PLAT: variants seen among roughly 807,000 people sequenced by gnomAD.
PLAT encodes plasminogen activator, tissue type.
PLAT carries 48 observed loss-of-function variants against 74.9 expected under a neutral mutation model. That is an observed-to-expected ratio of 0.64 (90% confidence interval 0.51 to 0.82). The LOEUF (loss-of-function observed/expected upper bound fraction) is 0.82, where lower values mean the gene tolerates loss of function less well. Among genes scored for constraint, PLAT ranks in the 40% least tolerant of loss-of-function variants. The pLI is 0.00. For missense variants in PLAT, 673 were observed against 736.2 expected, an observed-to-expected ratio of 0.91 and a Z score of 0.99; for synonymous variants, 307 against 294.4, an observed-to-expected ratio of 1.04 and a Z score of -0.44.
intron 1 of PLAT, among the ~76,000 whole-genome samples, chr8:42,202,870 G>A (rs1312212366): frequency 1.3e-5 from 2 of 152,110 alleles, no homozygotes; most frequent in African/African-American, 4.8e-5. Flanking sequence ...GGGAACACAC[G>A]AAGGAGTTAG....
At chr8:42,199,682 G>T in intron 1 of PLAT, among the ~76,000 whole-genome samples, 1 of 152,156 alleles carries the variant, frequency 6.6e-6, no homozygotes, top group East Asian at 1.9e-4. Flanking sequence ...GAAAACAGAA[G>T]TCTATCCCGC....
chr8:42,194,050 C>CTTCTTT (rs1805798085), intron 1 of PLAT, among the ~76,000 whole-genome samples: 1 of 84,912 alleles, frequency 1.2e-5, no homozygotes, highest in Non-Finnish European at 2.0e-5. Flanking sequence ...TTTCTTCTTT[C>CTTCTTT]TTTTTTTTTT....
intron 8 of PLAT, 68 bp downstream of exon 8, chr8:42,182,651 T>G (rs185345784): frequency 3.6e-4 from 438 of 1,215,570 alleles, no homozygotes; most frequent in Middle Eastern, 1.3e-3. Context: ...ACATTGGATC[T>G]TCCCCCGTCT....
Position 42,187,545 on chromosome 8 carries a change from T to TA in PLAT, c.391_392insT (p.Gln131LeufsTer64). ...CCACGTGCCCCTGTAGCTGATGCCC[T>TA]GGTCCTCGTAGCACGTGGCCCTGGT... is the stretch of plus-strand genomic sequence containing the variant. On this transcript the variant is annotated frameshift_variant, in exon 6 of 14. Coordinates refer to ENST00000220809, the MANE Select transcript of PLAT (RefSeq NM_000930.5). LOFTEE classifies it high-confidence loss of function. The TA allele has an allele frequency of 6.2e-7, 1 of 1,605,924 alleles. No homozygotes were observed.
At position 42,202,186 on chromosome 8, in the gene PLAT, A is replaced by ATTT. The variant is rs113990683; in HGVS notation, c.-27+5305_-27+5307dup. Among the ~76,000 whole-genome samples, 187 of 140,690 alleles carry ATTT rather than the reference A, an allele frequency of 1.3e-3. 1 individual carries two copies. Among genetic ancestry groups the ATTT allele is most frequent in the African/African-American group, 3.9e-3 (152 of 38,666 alleles). The allele number at this position is 140,690 out of a possible 152,430, so 92.3% of individuals were successfully genotyped here. The stretch of plus-strand genomic sequence containing the variant: ...AGGTGCGTGCCACCATGTCTGGCTA[A>ATTT]TTTTTTTTTTTTTTTCATTTTTTTG... On this transcript the variant is annotated intron_variant, in intron 1 of 13. Transcript: ENST00000220809.
At chr8:42,199,883 G>A (rs571142030) in intron 1 of PLAT, among the ~76,000 whole-genome samples, 42 of 152,326 alleles carry the variant, frequency 2.8e-4, no homozygotes, top group Non-Finnish European at 3.5e-4. Flanking sequence ...GATGAAGGTC[G>A]TTCGTTCCTC....
At chr8:42,201,886 G>A (rs149038333) in intron 1 of PLAT, among the ~76,000 whole-genome samples, 5 of 152,260 alleles carry the variant, frequency 3.3e-5, no homozygotes, top group South Asian at 2.1e-4. Context: ...AAAACCCTTC[G>A]CTTTCTCTCA....
rs747907533 is a variant in PLAT at position 42,189,107 on chromosome 8, G to A, written c.116-36C>T. On this transcript the variant is annotated intron_variant, in intron 3 of 13. Transcript: ENST00000220809. ...AGACAGGCCAGCCTCATCAGAGTAT[G>A]ACTCAAAATGAAATGCCTCACTACC... The A allele has an allele frequency of 1.9e-6, 3 of 1,599,424 alleles. No homozygotes were observed. The Admixed American group carries it at 5.0e-5, about 27-fold the overall frequency.
At chr8:42,178,178 T>A (rs1805046567) in intron 13 of PLAT, among the ~76,000 whole-genome samples, 1 of 152,172 alleles carries the variant, frequency 6.6e-6, no homozygotes, top group Non-Finnish European at 1.5e-5. Flanking sequence ...ATCTAGATCC[T>A]GCTTCCCAGT....
intron 1 of PLAT, among the ~76,000 whole-genome samples, chr8:42,198,173 T>C (rs1197621678): frequency 1.3e-5 from 2 of 152,100 alleles, no homozygotes; most frequent in Non-Finnish European, 2.9e-5. Context: ...TCTCTGTTTA[T>C]TTTCATATAA....
chr8:42,192,072 TA>T (rs776760182), intron 2 of PLAT, among the ~76,000 whole-genome samples: 45 of 149,340 alleles, frequency 3.0e-4, no homozygotes, highest in Non-Finnish European at 6.2e-4. Context: ...GGCGTAATCA[TA>T]TCTCACTGAA....
rs148219340 is a variant in PLAT, at chr8:42,176,002, C to T, written c.1680G>A (p.Met560Ile). The change falls in exon 14 of 14, where the codon ATG (methionine) becomes ATA (isoleucine). Residue 560 changes from methionine (M) to isoleucine (I), a missense_variant. Met to Ile is a conservative substitution (Grantham distance 10). Transcript: ENST00000220809. Reference sequence around the variant, plus strand: ...AGTCGGGTGTTCCTGGTCACGGTCGCATGTTGTCACGAATCCAGTCTAGGT... The same window carrying T: ...AGTCGGGTGTTCCTGGTCACGGTCGTATGTTGTCACGAATCCAGTCTAGGT... ...TNYLDWIRDN[M>I]RP 52 of 1,613,948 alleles carry T rather than the reference C, an allele frequency of 3.2e-5. No homozygotes were observed. Among genetic ancestry groups the T allele is most frequent in the Non-Finnish European group, 4.1e-5 (48 of 1,179,976 alleles).
chr8:42,200,674 C>CAAA (rs10667666), intron 1 of PLAT, among the ~76,000 whole-genome samples: 2,693 of 102,884 alleles, frequency 0.026, 136 homozygotes, highest in African/African-American at 0.093. Flanking sequence ...GATCCTGTCT[C>CAAA]AAAAAAAAAA....
At chr8:42,182,967 A>C in intron 7 of PLAT, 77 bp from the exon 8 acceptor site, 1 of 1,237,618 alleles carries the variant, frequency 8.1e-7, no homozygotes. Context: ...CTTGAAGCGG[A>C]GCTGCCGGTC....
At chr8:42,191,325 C>G in intron 3 of PLAT, 47 bp downstream of exon 3, 6 of 1,559,732 alleles carry the variant, frequency 3.8e-6, no homozygotes, top group Non-Finnish European at 5.3e-6. Flanking sequence ...GCACCCCGCC[C>G]TGCCTCCCTC....
chr8:42,176,626 C>G, intron 13 of PLAT, among the ~76,000 whole-genome samples: 1 of 152,222 alleles, frequency 6.6e-6, no homozygotes, highest in South Asian at 2.1e-4. Context: ...GCTAAATACA[C>G]GAATGCATGA....
At chr8:42,194,782 A>ACCCC (rs1805841005) in intron 1 of PLAT, among the ~76,000 whole-genome samples, 1 of 126,840 alleles carries the variant, frequency 7.9e-6, no homozygotes, top group African/African-American at 2.8e-5. Context: ...CCCCAACCCA[A>ACCCC]CCTCCACGCC....
intron 12 of PLAT, among the ~76,000 whole-genome samples, chr8:42,179,424 C>G (rs765429326): frequency 2.0e-5 from 3 of 152,172 alleles, no homozygotes; most frequent in Non-Finnish European, 4.4e-5. Context: ...CCAGACCTCG[C>G]CAAACGTTTC....
At chr8:42,194,289 C>A (rs1431230944) in intron 1 of PLAT, among the ~76,000 whole-genome samples, 1 of 142,516 alleles carries the variant, frequency 7.0e-6, no homozygotes. Context: ...TGTGTAGAGA[C>A]AAGGTTTCTC....
Sources: gnomAD v4.1 joint callset for allele counts (sites outside exome capture counted in the v4.1 genomes callset) on GRCh38, gnomAD v4.1.1 for gene constraint, MANE v1.5 for transcripts, NCBI Gene and HGNC (gene_info 2026-07-23, HGNC 2026-07-21) for gene names.